MYO3B: variants seen among roughly 807,000 people sequenced by gnomAD.
The protein encoded by MYO3B is myosin-IIIb.
Under a neutral mutation model 174.6 loss-of-function variants are expected in MYO3B, and 156 were observed. That is an observed-to-expected ratio of 0.89 (90% CI 0.78 to 1.02). The LOEUF is 1.02. Ranked by LOEUF, MYO3B falls within the 50% of genes least tolerant of loss-of-function variation. The pLI is 0.00. For missense variants in MYO3B, 1,632 were observed against 1,639.4 expected, an observed-to-expected ratio of 1.00 and a Z score of 0.08; for synonymous variants, 563 against 569.1, an observed-to-expected ratio of 0.99 and a Z score of 0.15.
intron 32 of MYO3B, among the ~76,000 whole-genome samples, chr2:170,578,330 A>G (rs1692925006): frequency 6.6e-6 from 1 of 152,188 alleles, no homozygotes; most frequent in South Asian, 2.1e-4. Flanking sequence ...ATTAATTTGG[A>G]TTGTATCTAT....
rs547041017 is a variant in MYO3B at position 170,375,059 on chromosome 2, A to G, written c.971+5682A>G. Among the ~76,000 whole-genome samples, 9 of 152,288 alleles carry G rather than the reference A, an allele frequency of 5.9e-5. No homozygotes were observed. In the South Asian group the frequency reaches 1.2e-3, roughly 21 times the overall value. On this transcript the variant is annotated intron_variant, in intron 9 of 34. Coordinates refer to ENST00000408978, the MANE Select transcript of MYO3B (RefSeq NM_138995.5). ...AAGAAGCCCTAAAACTATGTGAACA[A>G]TGGGCTGAAAGTACATTGTTACTTC...
At chr2:170,439,094 C>G (rs1271862362) in intron 22 of MYO3B, among the ~76,000 whole-genome samples, 1 of 146,836 alleles carries the variant, frequency 6.8e-6, no homozygotes, top group East Asian at 2.0e-4. Context: ...TTTTTTGGGC[C>G]AGGCATGATG....
Position 170,382,113 on chromosome 2 carries a change from G to A in MYO3B, c.1068+1G>A. The stretch of plus-strand genomic sequence containing the variant: ...GGTCAACCTAGAGGTTCTGGATGAG[G>A]TACTAAATATTTAGTAGACAATTCT... On this transcript the variant is annotated splice_donor_variant, in intron 10 of 34. Coordinates refer to ENST00000408978, the MANE Select transcript of MYO3B (RefSeq NM_138995.5). LOFTEE classifies it high-confidence loss of function. The A allele has an allele frequency of 6.2e-7, 1 of 1,610,152 alleles. No individual in the cohort carries two copies. Among genetic ancestry groups the A allele is most frequent in the South Asian group, 1.1e-5 (1 of 90,740 alleles).
chr2:170,205,919 G>C (rs1165144240), intron 3 of MYO3B, among the ~76,000 whole-genome samples: 1 of 151,898 alleles, frequency 6.6e-6, no homozygotes, highest in Admixed American at 6.6e-5. Context: ...GTAGTATACA[G>C]GTATATATTA....
chr2:170,324,648 A>C (rs1436480181), intron 7 of MYO3B, among the ~76,000 whole-genome samples: 1 of 152,168 alleles, frequency 6.6e-6, no homozygotes, highest in African/African-American at 2.4e-5. Flanking sequence ...TCGTTCCTGC[A>C]CTTTTCAGCG....
At chr2:170,583,625 C>A (rs1693301548) in intron 32 of MYO3B, among the ~76,000 whole-genome samples, 1 of 152,114 alleles carries the variant, frequency 6.6e-6, no homozygotes, top group South Asian at 2.1e-4. Context: ...GCAAATATTT[C>A]TTGAGCACTT....
chr2:170,557,170 C>A (rs1212892899), intron 32 of MYO3B, among the ~76,000 whole-genome samples: 5 of 138,192 alleles, frequency 3.6e-5, no homozygotes, highest in Non-Finnish European at 7.6e-5. Context: ...GACGGAGTCT[C>A]GCTCTGTCGC....
intron 32 of MYO3B, among the ~76,000 whole-genome samples, chr2:170,589,909 T>C (rs750616040): frequency 3.3e-5 from 5 of 152,224 alleles, no homozygotes; most frequent in Admixed American, 6.5e-5. Flanking sequence ...GTACCATTTT[T>C]TATCTTTCAT....
At chr2:170,402,522 A>G (rs547239162) in intron 18 of MYO3B, among the ~76,000 whole-genome samples, 13 of 152,274 alleles carry the variant, frequency 8.5e-5, no homozygotes, top group African/African-American at 2.6e-4. Flanking sequence ...GTGGGTAGAT[A>G]GGTGGGAGAA....
At position 170,528,845 on chromosome 2, in the gene MYO3B, C is replaced by A. The variant is rs75945314; in HGVS notation, c.3575+9305C>A. ...CCCATCAAGGCCTTCAATGTGATCACCTGTGGACATGAACGTTTATGTTTA... is the reference window on the plus strand; with the variant it reads ...CCCATCAAGGCCTTCAATGTGATCAACTGTGGACATGAACGTTTATGTTTA... On this transcript the variant is annotated intron_variant, in intron 30 of 34. Transcript: ENST00000408978. Among the ~76,000 whole-genome samples, 306 of 152,284 alleles carry A rather than the reference C, an allele frequency of 2.0e-3. 4 individuals are homozygous for A. The highest frequency in any genetic ancestry group is 6.9e-3 in the African/African-American group (285 of 41,546).
intron 25 of MYO3B, among the ~76,000 whole-genome samples, chr2:170,470,436 G>C (rs1684917260): frequency 6.6e-6 from 1 of 151,932 alleles, no homozygotes; most frequent in Admixed American, 6.5e-5. Context: ...GTACCAGTAT[G>C]TTATTTTTTT....
At chr2:170,568,191 C>A (rs1242957098) in intron 32 of MYO3B, among the ~76,000 whole-genome samples, 1 of 152,186 alleles carries the variant, frequency 6.6e-6, no homozygotes, top group Non-Finnish European at 1.5e-5. Context: ...TTTGCAAAAC[C>A]CCTGAATTCC....
At chr2:170,647,529 C>A (rs1698480314) in intron 32 of MYO3B, among the ~76,000 whole-genome samples, 1 of 152,074 alleles carries the variant, frequency 6.6e-6, no homozygotes, top group Non-Finnish European at 1.5e-5. Flanking sequence ...GGCAAAGCAC[C>A]TGGAAGTTAC....
intron 3 of MYO3B, among the ~76,000 whole-genome samples, chr2:170,205,673 C>A (rs566074996): frequency 6.6e-6 from 1 of 152,206 alleles, no homozygotes; most frequent in South Asian, 2.1e-4. Flanking sequence ...CAAATCTCTC[C>A]CTCCCTTTTA....
intron 8 of MYO3B, among the ~76,000 whole-genome samples, chr2:170,353,889 C>G (rs929295382): frequency 3.3e-5 from 5 of 152,066 alleles, no homozygotes; most frequent in African/African-American, 1.2e-4. Context: ...CTAGCAAAGC[C>G]AGATCAATAA....
At chr2:170,215,393 T>C (rs560331100) in intron 5 of MYO3B, among the ~76,000 whole-genome samples, 2 of 152,270 alleles carry the variant, frequency 1.3e-5, no homozygotes, top group Non-Finnish European at 2.9e-5. Flanking sequence ...CAGAGAACTA[T>C]TAAATATCCC....
intron 22 of MYO3B, among the ~76,000 whole-genome samples, chr2:170,434,335 G>C (rs1054626277): frequency 6.6e-5 from 10 of 152,078 alleles, no homozygotes; most frequent in Non-Finnish European, 1.5e-4. Flanking sequence ...AATAGCACTC[G>C]AATATAAAAT....
chr2:170,374,602 G>C (rs527747122), intron 9 of MYO3B, among the ~76,000 whole-genome samples: 2 of 152,056 alleles, frequency 1.3e-5, no homozygotes, highest in Non-Finnish European at 2.9e-5. Context: ...TGTTCACATA[G>C]AGCAGAAGCT....
intron 30 of MYO3B, among the ~76,000 whole-genome samples, chr2:170,525,096 A>G (rs1688919903): frequency 1.3e-5 from 2 of 152,330 alleles, no homozygotes; most frequent in Non-Finnish European, 2.9e-5. Context: ...CCTACTTGTT[A>G]TAACTGTCAC....
Sources: allele counts gnomAD v4.1 joint callset (sites outside exome capture counted in the v4.1 genomes callset), GRCh38; gene constraint gnomAD v4.1.1; transcripts MANE v1.5; gene names NCBI Gene and HGNC (gene_info 2026-07-23, HGNC 2026-07-21).